The following UBTD2 variants were observed in gnomAD, a reference collection of about 807,000 sequenced individuals.
UBTD2 encodes ubiquitin domain-containing protein 2.
A neutral mutation model predicts 19.8 loss-of-function variants in UBTD2; 9 were observed. That is an observed-to-expected ratio of 0.46 (90% CI 0.27 to 0.79). UBTD2 has a LOEUF of 0.79. Ranked by LOEUF, UBTD2 falls within the 30% of genes least tolerant of loss-of-function variation. The probability of loss-of-function intolerance (pLI) is 0.14; values close to 1 mark genes in which losing one functional copy is unlikely to be tolerated. For missense variants in UBTD2, 250 were observed against 300.4 expected (o/e 0.83, Z 1.24); for synonymous variants, 98 against 103.9 (o/e 0.94, Z 0.35).
intron 2 of UBTD2, among the ~76,000 whole-genome samples, chr5:172,229,735 T>A (rs890156741): frequency 1.3e-5 from 2 of 152,160 alleles, no homozygotes; most frequent in Non-Finnish European, 2.9e-5. Context: ...TAAGTGTTCA[T>A]CTTTACAAGA....
At chr5:172,252,593 C>G (rs1030193547) in intron 1 of UBTD2, 2 of 152,190 alleles carry the variant, frequency 1.3e-5, no homozygotes, top group African/African-American at 4.8e-5. Flanking sequence ...CTAATTGTTT[C>G]CTAAGAAATA....
At chr5:172,246,471 A>C (rs1464969348) in intron 1 of UBTD2, among the ~76,000 whole-genome samples, 1 of 110,634 alleles carries the variant, frequency 9.0e-6, no homozygotes, top group African/African-American at 3.6e-5. Flanking sequence ...TTTGAGATGG[A>C]GTTCACTCCG....
chr5:172,252,928 GA>G (rs1227066923), intron 1 of UBTD2, among the ~76,000 whole-genome samples: 1 of 152,152 alleles, frequency 6.6e-6, no homozygotes, highest in African/African-American at 2.4e-5. Context: ...CAGTTATAAA[GA>G]AAAAGATATT....
At chr5:172,217,744 C>A (rs186165427) in intron 2 of UBTD2, among the ~76,000 whole-genome samples, 1 of 152,174 alleles carries the variant, frequency 6.6e-6, no homozygotes, top group South Asian at 2.1e-4. Flanking sequence ...CCGCCTACCT[C>A]GCTTGCTGTG....
At chr5:172,283,995 G>T (rs973017902), upstream of UBTD2, 1 of 148,838 alleles carries the variant, frequency 6.7e-6, no homozygotes, top group African/African-American at 2.4e-5. The surrounding 1 kb of genome is among the most constrained non-coding windows in gnomAD (Gnocchi z 4.3). Context: ...TCACAGCCCC[G>T]CACACCCGAG....
At chr5:172,278,089 G>A (rs1755643696) in intron 1 of UBTD2, among the ~76,000 whole-genome samples, 1 of 152,026 alleles carries the variant, frequency 6.6e-6, no homozygotes, top group African/African-American at 2.4e-5. Context: ...AAGAATAAGT[G>A]GTAGAAAATA....
Position 172,279,275 on chromosome 5 carries a change from C to T in UBTD2, c.70+4321G>A, listed in dbSNP as rs116792690. 6.7e-3 allele frequency among the ~76,000 whole-genome samples: 1,019 copies of T among 152,256 alleles called. 8 individuals are homozygous for T. The highest frequency in any genetic ancestry group is 0.011 in the Non-Finnish European group (744 of 68,010). On this transcript the variant is annotated intron_variant, in intron 1 of 2. Transcript: ENST00000393792. The stretch of plus-strand genomic sequence containing the variant: ...AAGAACAAAACTATTTTTGCACTAA[C>T]GTAATAACTGCTCTTGGCTTCAATC...
rs758440849 is a variant in UBTD2 at position 172,270,350 on chromosome 5, A to ATTTTTTT, written c.70+13239_70+13245dup. Among the ~76,000 whole-genome samples the ATTTTTTT allele has an allele frequency of 2.5e-4, 25 of 98,758 alleles. 1 individual carries two copies. The highest frequency in any genetic ancestry group is 9.5e-4 in the African/African-American group (22 of 23,256). The allele number at this position is 98,758 out of a possible 152,430, so 64.8% of individuals were successfully genotyped here. A position where few individuals can be genotyped will look rare whatever the true frequency, so the allele number is the denominator to read the frequency against. On this transcript the variant is annotated intron_variant, in intron 1 of 2. Coordinates refer to ENST00000393792, the MANE Select transcript of UBTD2 (RefSeq NM_152277.3). ...AACTAGAAGTATTTAGAATTTTAGA[A>ATTTTTTT]TTTTTTTTTTTTTTTTTTTTTTTTG...
chr5:172,241,120 A>G (rs1772118805), intron 1 of UBTD2, among the ~76,000 whole-genome samples: 1 of 151,852 alleles, frequency 6.6e-6, no homozygotes, highest in Non-Finnish European at 1.5e-5. Flanking sequence ...ACACACATAA[A>G]TCAAGGATGC....
At chr5:172,212,342 T>A in intron 2 of UBTD2, 115 bp from the exon 3 acceptor site, 4 of 1,115,540 alleles carry the variant, frequency 3.6e-6, no homozygotes, top group South Asian at 1.7e-5. Context: ...AGAAAAAACA[T>A]CACTCTCAGC....
intron 1 of UBTD2, among the ~76,000 whole-genome samples, chr5:172,263,084 C>T (rs1464130790): frequency 1.3e-5 from 2 of 151,908 alleles, no homozygotes; most frequent in African/African-American, 2.4e-5. Flanking sequence ...ACTACAGGTG[C>T]GCACCACCAC....
intron 2 of UBTD2, among the ~76,000 whole-genome samples, chr5:172,229,377 T>C (rs1052414202): frequency 2.0e-5 from 3 of 151,874 alleles, no homozygotes; most frequent in Non-Finnish European, 4.4e-5. Flanking sequence ...GGCGGGCACC[T>C]GTAGTCCCAG....
intron 2 of UBTD2, among the ~76,000 whole-genome samples, chr5:172,218,798 T>A (rs796925718): frequency 0.01 from 1,221 of 120,176 alleles, 9 homozygotes; most frequent in African/African-American, 0.02. Context: ...AATAAAAAAA[T>A]AAAAAAAAAA....
intron 1 of UBTD2, chr5:172,255,430 G>T: frequency 2.0e-6 from 1 of 497,600 alleles, no homozygotes; most frequent in South Asian, 1.6e-5. Context: ...GGTCAAACAT[G>T]AGCATTCTTT....
At chr5:172,265,933 T>TG (rs1172933857) in intron 1 of UBTD2, among the ~76,000 whole-genome samples, 2 of 151,506 alleles carry the variant, frequency 1.3e-5, no homozygotes, top group South Asian at 2.1e-4. Flanking sequence ...CATTGTTTTT[T>TG]TTTTTGTTTT....
At chr5:172,226,982 G>T (rs6556004) in intron 2 of UBTD2, among the ~76,000 whole-genome samples, 91,547 of 151,948 alleles carry the variant, frequency 0.6, 28,067 homozygotes, top group African/African-American at 0.71. Flanking sequence ...GTGTAACACT[G>T]CACCACAGTT....
rs6882051 is a variant in UBTD2, at chr5:172,280,530, C to A, written c.70+3066G>T. Among the ~76,000 whole-genome samples the A allele has an allele frequency of 6.0e-3, 705 of 117,134 alleles. 3 individuals carry two copies. Among genetic ancestry groups the A allele is most frequent in the Non-Finnish European group, 9.5e-3 (517 of 54,514 alleles). 76.8% of individuals were successfully genotyped at this position (117,134 alleles called of 152,430 possible). A position where few individuals can be genotyped will look rare whatever the true frequency, so the allele number is the denominator to read the frequency against. On this transcript the variant is annotated intron_variant, in intron 1 of 2. Transcript: ENST00000393792. Reference sequence around the variant, plus strand: ...ATCTCAAAAAAAAAAAAAAAAAAAACCAGCCTAACTACTCATGTGGCTGAG... The same window carrying A: ...ATCTCAAAAAAAAAAAAAAAAAAAAACAGCCTAACTACTCATGTGGCTGAG...
chr5:172,212,333 G>A, intron 2 of UBTD2, 106 bp from the exon 3 acceptor site: 1 of 1,211,340 alleles, frequency 8.3e-7, no homozygotes, highest in South Asian at 1.7e-5. Context: ...GCACTGTAGA[G>A]AAAAAACATC....
At chr5:172,249,054 T>C (rs1326457284) in intron 1 of UBTD2, among the ~76,000 whole-genome samples, 1 of 151,770 alleles carries the variant, frequency 6.6e-6, no homozygotes, top group Non-Finnish European at 1.5e-5. Context: ...CACAAATAAC[T>C]AAAATTAGAA....
Sources: gnomAD v4.1 joint callset for allele counts (sites outside exome capture counted in the v4.1 genomes callset) on GRCh38, gnomAD v4.1.1 for gene constraint, Gnocchi (gnomAD v3.1) non-coding constraint, MANE v1.5 for transcripts, NCBI Gene and HGNC (gene_info 2026-07-23, HGNC 2026-07-21) for gene names.